ASTN2: variants seen among roughly 807,000 people sequenced by gnomAD.
ASTN2 encodes the protein astrotactin-2.
Under a neutral mutation model 139.8 loss-of-function variants are expected in ASTN2, and 54 were observed. The observed-to-expected ratio is 0.39, with a 90% confidence interval of 0.31 to 0.48. ASTN2 has a LOEUF of 0.48. Among genes scored for constraint, ASTN2 ranks in the 20% least tolerant of loss-of-function variants. ASTN2 has a pLI of 0.95. For missense variants in ASTN2, 1,565 were observed against 1,725.1 expected, an observed-to-expected ratio of 0.91 and a Z score of 1.64; for synonymous variants, 756 against 719.5, an observed-to-expected ratio of 1.05 and a Z score of -0.81.
At chr9:117,255,525 C>G (rs931452842) in intron 2 of ASTN2, among the ~76,000 whole-genome samples, 1 of 152,156 alleles carries the variant, frequency 6.6e-6, no homozygotes, top group Non-Finnish European at 1.5e-5. Flanking sequence ...GATTAAACTG[C>G]AGGTTCTTTA....
chr9:117,127,831 C>T (rs1356782973), intron 4 of ASTN2, among the ~76,000 whole-genome samples: 2 of 151,834 alleles, frequency 1.3e-5, no homozygotes, highest in Non-Finnish European at 2.9e-5. Flanking sequence ...CACGTGCCCG[C>T]CACCACGCCC....
chr9:117,313,453 A>G (rs1381720135), intron 1 of ASTN2, among the ~76,000 whole-genome samples: 1 of 152,182 alleles, frequency 6.6e-6, no homozygotes, highest in Non-Finnish European at 1.5e-5. Context: ...AGTCCCAGAG[A>G]CAGGAACATG....
intron 5 of ASTN2, among the ~76,000 whole-genome samples, chr9:117,052,739 T>C (rs937676011): frequency 2.0e-5 from 3 of 152,212 alleles, no homozygotes; most frequent in Non-Finnish European, 4.4e-5. Flanking sequence ...TTATTTACAT[T>C]GTTTCTCATA....
chr9:116,838,580 T>G (rs564336944), intron 11 of ASTN2, among the ~76,000 whole-genome samples: 1 of 140,362 alleles, frequency 7.1e-6, no homozygotes, highest in African/African-American at 2.7e-5. Context: ...TGTGCTACCA[T>G]GCCCAGCAAT....
At chr9:117,169,762 G>C (rs1830748893) in intron 3 of ASTN2, among the ~76,000 whole-genome samples, 1 of 152,062 alleles carries the variant, frequency 6.6e-6, no homozygotes, top group East Asian at 1.9e-4. Flanking sequence ...GGTGTGGGGA[G>C]GGAAGGTTTC....
chr9:117,216,912 T>A (rs1158961728), intron 2 of ASTN2, among the ~76,000 whole-genome samples: 1 of 152,178 alleles, frequency 6.6e-6, no homozygotes, highest in African/African-American at 2.4e-5. Flanking sequence ...GACAAGACTA[T>A]GTGACAGAAA....
At chr9:117,369,939 G>A (rs779507205) in intron 1 of ASTN2, among the ~76,000 whole-genome samples, 1 of 152,012 alleles carries the variant, frequency 6.6e-6, no homozygotes, top group African/African-American at 2.4e-5. Context: ...GGCCCAGGTT[G>A]CCTCTTTATT....
chr9:117,226,590 C>CT (rs200660985), intron 2 of ASTN2, among the ~76,000 whole-genome samples: 18 of 134,850 alleles, frequency 1.3e-4, no homozygotes, highest in African/African-American at 3.9e-4. Context: ...CCTCATAAAG[C>CT]GGGTTTGTTT....
intron 5 of ASTN2, among the ~76,000 whole-genome samples, chr9:117,091,275 T>C (rs1276513975): frequency 1.3e-5 from 2 of 152,156 alleles, no homozygotes; most frequent in Non-Finnish European, 2.9e-5. Context: ...CACTCATCAT[T>C]CATTCATTCA....
intron 10 of ASTN2, among the ~76,000 whole-genome samples, chr9:116,969,431 C>G (rs780872183): frequency 2.0e-5 from 3 of 152,156 alleles, no homozygotes; most frequent in Non-Finnish European, 2.9e-5. Context: ...TATTGCTGTT[C>G]CTCAGTGACA....
chr9:117,324,857 G>C (rs1268078503), intron 1 of ASTN2, among the ~76,000 whole-genome samples: 1 of 152,048 alleles, frequency 6.6e-6, no homozygotes, highest in Admixed American at 6.5e-5. Flanking sequence ...AGTTTAAGGA[G>C]GGATGAGATA....
intron 1 of ASTN2, among the ~76,000 whole-genome samples, chr9:117,385,986 GA>G (rs960530258): frequency 1.3e-5 from 2 of 152,086 alleles, no homozygotes; most frequent in Non-Finnish European, 2.9e-5. Flanking sequence ...AGATGAAGGG[GA>G]TATGGTACCT....
intron 1 of ASTN2, among the ~76,000 whole-genome samples, chr9:117,297,844 C>T (rs535132663): frequency 6.6e-6 from 1 of 152,338 alleles, no homozygotes; most frequent in South Asian, 2.1e-4. Context: ...TTCCCAACCT[C>T]ATCCTCCTTC....
intron 6 of ASTN2, among the ~76,000 whole-genome samples, chr9:117,019,918 T>C (rs1366797285): frequency 6.6e-6 from 1 of 152,038 alleles, no homozygotes; most frequent in African/African-American, 2.4e-5. Flanking sequence ...CCATGGTTCA[T>C]GAAGGAAGCA....
intron 10 of ASTN2, among the ~76,000 whole-genome samples, chr9:116,948,014 T>A (rs1237348145): frequency 6.6e-6 from 1 of 152,228 alleles, no homozygotes; most frequent in Non-Finnish European, 1.5e-5. Flanking sequence ...CCCTTTTCAA[T>A]TTGGGTTTAT....
chr9:117,169,532 TA>T (rs1830743035), intron 3 of ASTN2, among the ~76,000 whole-genome samples: 2 of 152,104 alleles, frequency 1.3e-5, no homozygotes, highest in African/African-American at 2.4e-5. Flanking sequence ...TATTAATTAT[TA>T]AAACACAGAC....
At chr9:117,267,398 A>C (rs1006242937) in intron 2 of ASTN2, among the ~76,000 whole-genome samples, 2 of 152,168 alleles carry the variant, frequency 1.3e-5, no homozygotes, top group Non-Finnish European at 2.9e-5. Context: ...CACTTGGTTT[A>C]ATCTCATCAC....
At chr9:116,994,832 C>T (rs1256328720) in intron 7 of ASTN2, among the ~76,000 whole-genome samples, 1 of 152,130 alleles carries the variant, frequency 6.6e-6, no homozygotes, top group Non-Finnish European at 1.5e-5. Flanking sequence ...ATATTCATTT[C>T]ACTCAATCCA....
chr9:117,143,270 G>A (rs1830116932), intron 3 of ASTN2, among the ~76,000 whole-genome samples: 3 of 152,204 alleles, frequency 2.0e-5, no homozygotes, highest in South Asian at 2.1e-4. Flanking sequence ...TGTACTTGAA[G>A]AAACCAAGAA....
Sources: gnomAD v4.1 joint callset for allele counts (sites outside exome capture counted in the v4.1 genomes callset) on GRCh38, gnomAD v4.1.1 for gene constraint, MANE v1.5 for transcripts, NCBI Gene and HGNC (gene_info 2026-07-23, HGNC 2026-07-21) for gene names.